The following VPS53 variants were observed in gnomAD, a reference collection of about 807,000 sequenced individuals.
The protein encoded by VPS53 is vacuolar protein sorting-associated protein 53 homolog.
A neutral mutation model predicts 107.0 loss-of-function variants in VPS53; 70 were observed. The observed-to-expected ratio is 0.65, with a 90% CI of 0.54 to 0.80. The LOEUF is 0.80. Among genes scored for constraint, VPS53 ranks in the 30% least tolerant of loss-of-function variants. The probability of loss-of-function intolerance (pLI) is 0.00; values close to 1 mark genes in which losing one functional copy is unlikely to be tolerated. For missense variants in VPS53, 917 were observed against 1,049.4 expected, an observed-to-expected ratio of 0.87 and a Z score of 1.74; for synonymous variants, 409 against 393.3, an observed-to-expected ratio of 1.04 and a Z score of -0.47.
intron 11 of VPS53, among the ~76,000 whole-genome samples, chr17:610,542 T>C (rs796250855): frequency 2.0e-4 from 31 of 152,140 alleles, no homozygotes; most frequent in African/African-American, 7.0e-4. Context: ...TCCTGTGAAA[T>C]GACTATCAAG....
At chr17:574,794 C>T (rs1914462601) in intron 13 of VPS53, among the ~76,000 whole-genome samples, 1 of 152,102 alleles carries the variant, frequency 6.6e-6, no homozygotes, top group African/African-American at 2.4e-5. Flanking sequence ...AACCCTGGAC[C>T]CAGTAACTTT....
intron 7 of VPS53, among the ~76,000 whole-genome samples, chr17:652,600 C>A (rs1567710236): frequency 1.3e-5 from 2 of 152,190 alleles, no homozygotes; most frequent in Non-Finnish European, 2.9e-5. Flanking sequence ...CAGCAAGCAC[C>A]AAGGAGCCAG....
chr17:530,807 G>A (rs1484919837), intron 19 of VPS53, among the ~76,000 whole-genome samples: 2 of 152,116 alleles, frequency 1.3e-5, no homozygotes, highest in Non-Finnish European at 2.9e-5. Context: ...TCAGTTCCAC[G>A]TGCCCTTGCA....
At chr17:670,287 C>T (rs770457753) in intron 4 of VPS53, among the ~76,000 whole-genome samples, 1 of 152,186 alleles carries the variant, frequency 6.6e-6, no homozygotes, top group Non-Finnish European at 1.5e-5. Flanking sequence ...GCGGTGACTG[C>T]CGTGCTCCTC....
Position 675,325 on chromosome 17 carries a change from G to A in VPS53, c.286-13430C>T, listed in dbSNP as rs559890938. ...AATTCTACGGTTATCACGGAAGTAG[G>A]AGAGGGCTGTCTGTCGCGACCGTTC... On this transcript the variant is annotated intron_variant, in intron 4 of 21. Transcript: ENST00000437048. 3 of 152,336 alleles carry A rather than the reference G, an allele frequency of 2.0e-5. No homozygotes were observed. The South Asian group carries it at 6.2e-4, about 32-fold the overall frequency. 9.4% of individuals were successfully genotyped at this position (152,336 alleles called of 1,614,324 possible).
chr17:638,864 T>C (rs1408183508), intron 7 of VPS53, among the ~76,000 whole-genome samples: 1 of 152,234 alleles, frequency 6.6e-6, no homozygotes, highest in African/African-American at 2.4e-5. Context: ...TTCCTTCATT[T>C]CAACTTTGGT....
intron 4 of VPS53, among the ~76,000 whole-genome samples, chr17:684,861 G>A (rs2740366): frequency 0.2 from 30,491 of 151,908 alleles, 3,722 homozygotes; most frequent in Non-Finnish European, 0.27. Flanking sequence ...GGTGGCTCAC[G>A]CCTGTAATCC....
chr17:638,239 C>G (rs1597415961), intron 7 of VPS53, among the ~76,000 whole-genome samples: 1 of 152,040 alleles, frequency 6.6e-6, no homozygotes, highest in Non-Finnish European at 1.5e-5. Context: ...GATTGCAACC[C>G]CTGCCTTTTT....
chr17:598,117 T>G (rs904977186), intron 12 of VPS53, among the ~76,000 whole-genome samples: 3 of 152,148 alleles, frequency 2.0e-5, no homozygotes, highest in Admixed American at 6.5e-5. Context: ...GATTGCAGGC[T>G]CGCGCCGCCA....
chr17:668,468 T>A (rs958979144), intron 4 of VPS53, among the ~76,000 whole-genome samples: 2 of 152,234 alleles, frequency 1.3e-5, no homozygotes, highest in Non-Finnish European at 2.9e-5. Context: ...CACAGCTTCA[T>A]GCTTTCTGTA....
At chr17:572,393 C>G (rs1227147009) in intron 13 of VPS53, among the ~76,000 whole-genome samples, 1 of 150,110 alleles carries the variant, frequency 6.7e-6, no homozygotes, top group Non-Finnish European at 1.5e-5. Flanking sequence ...CGGGCAGCCA[C>G]CCCGTCCGGG....
intron 17 of VPS53, among the ~76,000 whole-genome samples, chr17:543,416 T>C (rs1463786311): frequency 6.6e-6 from 1 of 152,132 alleles, no homozygotes; most frequent in African/African-American, 2.4e-5. Flanking sequence ...TTTAATTTAT[T>C]CAGTTTCTGT....
chr17:642,632 G>GC (rs1970473782), intron 7 of VPS53, among the ~76,000 whole-genome samples: 1 of 150,494 alleles, frequency 6.6e-6, no homozygotes, highest in Non-Finnish European at 1.5e-5. Flanking sequence ...CTCATACTTG[G>GC]AAAGCGAGGA....
chr17:643,183 C>CGAGGACAACACTCATACTTGGCAACT (rs1970514083), intron 7 of VPS53, among the ~76,000 whole-genome samples: 1 of 60,884 alleles, frequency 1.6e-5, no homozygotes, highest in Admixed American at 1.6e-4. Flanking sequence ...ACTTGGAAAG[C>CGAGGACAACACTCATACTTGGCAACT]GAGGACAACA....
At chr17:671,085 G>A (rs1422144949) in intron 4 of VPS53, among the ~76,000 whole-genome samples, 1 of 152,010 alleles carries the variant, frequency 6.6e-6, no homozygotes, top group Non-Finnish European at 1.5e-5. Context: ...ACAAAAACTA[G>A]CCAGCCATCA....
intron 4 of VPS53, among the ~76,000 whole-genome samples, chr17:689,211 T>C (rs980520235): frequency 1.3e-5 from 2 of 152,202 alleles, no homozygotes; most frequent in African/African-American, 2.4e-5. Context: ...AGGATAAGAA[T>C]ATAAAGTCTC....
chr17:688,744 G>T (rs897630133), intron 4 of VPS53, among the ~76,000 whole-genome samples: 5 of 152,136 alleles, frequency 3.3e-5, no homozygotes, highest in African/African-American at 1.2e-4. Context: ...TGCACTAGAC[G>T]TAAGAAATCC....
In VPS53 at chr17:529,423, C is replaced by A. The variant is rs577930797; in HGVS notation, c.2085+3419G>T. 5.8e-4 allele frequency among the ~76,000 whole-genome samples: 88 copies of A among 150,962 alleles called. 1 individual carries two copies. The South Asian group carries it at 7.3e-3, about 13-fold the overall frequency. ...TCACACACACACACACACACACACA[C>A]CCCTGCTGGGATTCTACTGTATCTA... is the stretch of plus-strand genomic sequence containing the variant. On this transcript the variant is annotated intron_variant, in intron 19 of 21. Coordinates refer to ENST00000437048, the MANE Select transcript of VPS53 (RefSeq NM_001128159.3).
intron 5 of VPS53, chr17:657,429 T>G: frequency 1.1e-6 from 1 of 890,760 alleles, no homozygotes; most frequent in South Asian, 1.3e-5. Context: ...GGGAAGACAC[T>G]CTCTCAACTT....
Sources: gnomAD v4.1 joint callset for allele counts (sites outside exome capture counted in the v4.1 genomes callset) on GRCh38, gnomAD v4.1.1 for gene constraint, MANE v1.5 for transcripts, NCBI Gene and HGNC (gene_info 2026-07-23, HGNC 2026-07-21) for gene names.